The following SPDEF variants were observed in gnomAD, a reference collection of about 807,000 sequenced individuals.
SPDEF encodes the protein SAM pointed domain containing ETS transcription factor.
Under a neutral mutation model 36.0 loss-of-function variants are expected in SPDEF, and 12 were observed. The ratio of observed to expected loss-of-function variants is 0.33; its 90% CI spans 0.21 to 0.54. SPDEF has a LOEUF of 0.54. Among genes scored for constraint, SPDEF ranks in the 20% least tolerant of loss-of-function variants. The pLI is 0.93. For missense variants in SPDEF, 388 were observed against 456.9 expected (o/e 0.85, Z 1.37); for synonymous variants, 205 against 193.0 (o/e 1.06, Z -0.51).
rs1289360204 is a variant in SPDEF at position 34,552,091 on chromosome 6, A to G, written c.-30+3838T>C. 1.3e-5 allele frequency among the ~76,000 whole-genome samples: 2 copies of G among 151,988 alleles called. No individual in the cohort carries two copies. The highest frequency in any genetic ancestry group is 2.9e-5 in the Non-Finnish European group (2 of 67,994). On this transcript the variant is annotated intron_variant, in intron 1 of 5. Transcript: ENST00000374037. This position sits in a 1 kb window ranked among gnomAD's most constrained non-coding sequence, Gnocchi z 4.6. ...ACCACCTGCACATCCCCGCTTTGCC[A>G]TGATGCAGCCCGGGTCACATGGCTG...
At position 34,539,116 on chromosome 6, in the gene SPDEF, T is replaced by C. The variant is rs867279569; in HGVS notation, c.829+134A>G. On this transcript the variant is annotated intron_variant, in intron 5 of 5. Transcript: ENST00000374037. This position sits in a 1 kb window ranked among gnomAD's most constrained non-coding sequence, Gnocchi z 5.2. ...GGGCTGTCCCATGAGAGCTGCATAT[T>C]TGGCATCTAGGACAAAGGTGGGGAT... 4.9e-6 allele frequency: 5 copies of C among 1,014,440 alleles called. No individual in the cohort carries two copies. The Middle Eastern group carries it at 9.6e-4, about 195-fold the overall frequency. 62.8% of individuals were successfully genotyped at this position (1,014,440 alleles called of 1,614,324 possible). A position where few individuals can be genotyped will look rare whatever the true frequency, so the allele number is the denominator to read the frequency against.
intron 2 of SPDEF, among the ~76,000 whole-genome samples, chr6:34,542,921 C>G (rs553766457): frequency 1.4e-5 from 2 of 142,654 alleles, no homozygotes; most frequent in Non-Finnish European, 3.0e-5. Flanking sequence ...AGGCTGGGCG[C>G]GGTGGCTCAC....
intron 1 of SPDEF, among the ~76,000 whole-genome samples, chr6:34,548,697 G>A (rs546952494): frequency 6.6e-6 from 1 of 152,250 alleles, no homozygotes; most frequent in East Asian, 1.9e-4. Context: ...TTTCATACCT[G>A]CCCCTGTGCT....
At chr6:34,543,476 A>T (rs1251738605) in intron 2 of SPDEF, among the ~76,000 whole-genome samples, 1 of 152,206 alleles carries the variant, frequency 6.6e-6, no homozygotes, top group East Asian at 1.9e-4. Context: ...GGATGTGAGC[A>T]GAAATTTTTC....
chr6:34,546,967 C>T (rs1195250056), intron 1 of SPDEF, among the ~76,000 whole-genome samples: 1 of 151,926 alleles, frequency 6.6e-6, no homozygotes, highest in East Asian at 1.9e-4. Flanking sequence ...CATGCCCTAC[C>T]CGCTAGGTGG....
At chr6:34,540,876 G>A (rs961009677) in intron 3 of SPDEF, 108 bp downstream of exon 3, 1 of 1,038,678 alleles carries the variant, frequency 9.6e-7, no homozygotes, top group Non-Finnish European at 1.4e-6. Context: ...GTGGAGTCCA[G>A]TTGGGGGCCA....
At chr6:34,543,899 A>G (rs1767882563) in intron 2 of SPDEF, 121 bp downstream of exon 2, 2 of 952,408 alleles carry the variant, frequency 2.1e-6, no homozygotes, top group African/African-American at 1.7e-5. Context: ...GCATCCCCAA[A>G]GCTGCCCGAG....
rs1767892134 is a variant in SPDEF at position 34,544,162 on chromosome 6, G to T, written c.294C>A (p.Ser98Arg). The T allele has an allele frequency of 6.2e-7, 1 of 1,613,730 alleles. No individual in the cohort carries two copies. Residue 98 changes from serine to arginine, a missense_variant, in exon 2 of 6, where the codon AGC becomes AGA. Transcript: ENST00000374037. The surrounding 1 kb of genome is among the most constrained non-coding windows in gnomAD (Gnocchi z 4.4). ...AGTCCAGGCTGCCCGCTGGGGCTTG[G>T]CTGTCAATGACCGGGCACTGCTCAG... ...EEPEQCPVID[S>R]QAPAGSLDLV...
intron 3 of SPDEF, among the ~76,000 whole-genome samples, chr6:34,540,475 C>T (rs1767794000): frequency 6.6e-6 from 1 of 151,668 alleles, no homozygotes; most frequent in Non-Finnish European, 1.5e-5. Flanking sequence ...TAGACTTTCC[C>T]TGGAAAGATA....
At chr6:34,549,429 TAC>T (rs1358671420) in intron 1 of SPDEF, among the ~76,000 whole-genome samples, 11 of 152,194 alleles carry the variant, frequency 7.2e-5, no homozygotes, top group Middle Eastern at 3.2e-3. Context: ...TTCCTGCCAC[TAC>T]CCTGCCTACT....
Position 34,552,162 on chromosome 6 carries a change from A to T in SPDEF, c.-30+3767T>A, listed in dbSNP as rs1207698914. On this transcript the variant is annotated intron_variant, in intron 1 of 5. Coordinates refer to ENST00000374037, the MANE Select transcript of SPDEF (RefSeq NM_012391.3). This position sits in a 1 kb window ranked among gnomAD's most constrained non-coding sequence, Gnocchi z 4.6. ...GTCCTCACCCCCAAATCGCCGGTAC[A>T]CTCCTTGAAGGGCCGGCCACAGTAC... Among the ~76,000 whole-genome samples, 1 of 149,704 alleles carries T rather than the reference A, an allele frequency of 6.7e-6. No individual in the cohort carries two copies. The highest frequency in any genetic ancestry group is 2.5e-5 in the African/African-American group (1 of 40,500).
At chr6:34,554,449 A>G (rs1351140953) in intron 1 of SPDEF, among the ~76,000 whole-genome samples, 1 of 152,242 alleles carries the variant, frequency 6.6e-6, no homozygotes, top group Non-Finnish European at 1.5e-5. Context: ...TACAACTGAC[A>G]GTGTGCAATA....
In SPDEF at chr6:34,556,132, T is replaced by TAGG. The variant is rs2127295934; in HGVS notation, c.-234_-233insCCT. ...TGGCCACCCTCAAGGGGTGGCCCTC[T>TAGG]GAGGTCTCAGGGCTGCGTGCCTGTA... On this transcript the variant is annotated 5_prime_UTR_variant, in exon 1 of 6. Coordinates refer to ENST00000374037, the MANE Select transcript of SPDEF (RefSeq NM_012391.3). 1 of 152,276 alleles carries TAGG rather than the reference T, an allele frequency of 6.6e-6. No individual in the cohort carries two copies. The highest frequency in any genetic ancestry group is 1.5e-5 in the Non-Finnish European group (1 of 68,004). 9.4% of individuals were successfully genotyped at this position (152,276 alleles called of 1,614,324 possible).
Position 34,538,207 on chromosome 6 carries a change from C to T in SPDEF, c.*67G>A. 6.5e-7 allele frequency: 1 copy of T among 1,528,670 alleles called. No homozygotes were observed. Among genetic ancestry groups the T allele is most frequent in the Non-Finnish European group, 8.9e-7 (1 of 1,119,990 alleles). The allele number at this position is 1,528,670 out of a possible 1,614,324, so 94.7% of individuals were successfully genotyped here. ...CTGCCCGTTTTCCCCCATCTCAGGGCCTGGCTGAGGCAGGGCAGGCAGGAG... is the reference window on the plus strand; with the variant it reads ...CTGCCCGTTTTCCCCCATCTCAGGGTCTGGCTGAGGCAGGGCAGGCAGGAG... On this transcript the variant is annotated 3_prime_UTR_variant, in exon 6 of 6. Transcript: ENST00000374037. The surrounding 1 kb of genome is among the most constrained non-coding windows in gnomAD (Gnocchi z 5.9).
intron 2 of SPDEF, among the ~76,000 whole-genome samples, chr6:34,543,378 CAG>C (rs1767870156): frequency 6.6e-6 from 1 of 151,972 alleles, no homozygotes; most frequent in African/African-American, 2.4e-5. Context: ...GTGGAGGACA[CAG>C]AGAGTGAGCG....
intron 1 of SPDEF, among the ~76,000 whole-genome samples, chr6:34,551,652 A>T (rs772045550): frequency 9.9e-5 from 15 of 152,132 alleles, no homozygotes; most frequent in Non-Finnish European, 1.8e-4. Flanking sequence ...TTTACAGCTG[A>T]CACTTTTGGC....
rs780472200 is a variant in SPDEF at position 34,538,288 on chromosome 6, C to T, written c.994G>A (p.Val332Met). The T allele has an allele frequency of 3.7e-6, 6 of 1,613,618 alleles. No homozygotes were observed. The highest frequency in any genetic ancestry group is 4.5e-5 in the East Asian group (2 of 44,892). ...DISQRLVYQF[V>M]HPI ...GGGCCAGGCACTCAGATGGGGTGCACGAACTGGTAGACGAGGCGCTGGGAG... is the reference window on the plus strand; with the variant it reads ...GGGCCAGGCACTCAGATGGGGTGCATGAACTGGTAGACGAGGCGCTGGGAG... Residue 332 changes from valine to methionine, a missense_variant, in exon 6 of 6, where the codon GTG becomes ATG. Transcript: ENST00000374037. This position sits in a 1 kb window ranked among gnomAD's most constrained non-coding sequence, Gnocchi z 5.9.
At position 34,551,309 on chromosome 6, in the gene SPDEF, G is replaced by A. The variant is rs1047742145; in HGVS notation, c.-30+4620C>T. Among the ~76,000 whole-genome samples, 8 of 152,350 alleles carry A rather than the reference G, an allele frequency of 5.3e-5. No homozygotes were observed. The South Asian group carries it at 6.2e-4, about 12-fold the overall frequency. On this transcript the variant is annotated intron_variant, in intron 1 of 5. Coordinates refer to ENST00000374037, the MANE Select transcript of SPDEF (RefSeq NM_012391.3). ...CAGCCTGGAGGTACAGAGGCCCACC[G>A]CAGCCCCAAGTGGACCATCGTGGCT...
intron 1 of SPDEF, among the ~76,000 whole-genome samples, chr6:34,551,612 G>A (rs56306454): frequency 0.033 from 4,995 of 152,274 alleles, 225 homozygotes; most frequent in African/African-American, 0.11. Flanking sequence ...TGGACACCTG[G>A]GGCTCCCTTG....
Sources: gnomAD v4.1 joint callset for allele counts (sites outside exome capture counted in the v4.1 genomes callset) on GRCh38, gnomAD v4.1.1 for gene constraint, Gnocchi (gnomAD v3.1) non-coding constraint, MANE v1.5 for transcripts, NCBI Gene and HGNC (gene_info 2026-07-23, HGNC 2026-07-21) for gene names.